LRFN5: variants seen among roughly 807,000 people sequenced by gnomAD.
LRFN5 encodes leucine rich repeat and fibronectin type III domain containing 5.
In LRFN5, 24 loss-of-function variants were observed where a neutral mutation model predicts 45.6. The ratio of observed to expected loss-of-function variants is 0.53; its 90% CI spans 0.38 to 0.74. LRFN5 has a LOEUF of 0.74. Among genes scored for constraint, LRFN5 ranks in the 30% least tolerant of loss-of-function variants. The pLI, the probability that LRFN5 is intolerant of heterozygous loss-of-function variation, is 0.00. For missense variants in LRFN5, 776 were observed against 861.5 expected (o/e 0.90, Z 1.24); for synonymous variants, 340 against 313.8 (o/e 1.08, Z -0.88).
intron 1 of LRFN5, among the ~76,000 whole-genome samples, chr14:41,751,912 C>G (rs779002098): frequency 1.6e-4 from 24 of 152,086 alleles, no homozygotes; most frequent in Non-Finnish European, 3.2e-4. Context: ...TATCCCTCCC[C>G]TCTCCCGCCA....
At chr14:41,727,617 C>T (rs1437680795) in intron 1 of LRFN5, among the ~76,000 whole-genome samples, 1 of 151,650 alleles carries the variant, frequency 6.6e-6, no homozygotes, top group Non-Finnish European at 1.5e-5. Flanking sequence ...AAGAGTGAGA[C>T]CCTGTCTCTA....
intron 4 of LRFN5, among the ~76,000 whole-genome samples, chr14:41,895,458 T>A (rs1279605997): frequency 6.6e-6 from 1 of 151,914 alleles, no homozygotes; most frequent in South Asian, 2.1e-4. Flanking sequence ...ACCCTGTCAC[T>A]AGTAAAAACA....
chr14:41,889,138 T>G (rs1238851809), intron 3 of LRFN5, among the ~76,000 whole-genome samples: 1 of 150,700 alleles, frequency 6.6e-6, no homozygotes, highest in Non-Finnish European at 1.5e-5. Context: ...ATATTCTGTT[T>G]AAGATATTCA....
intron 1 of LRFN5, among the ~76,000 whole-genome samples, chr14:41,737,104 A>G (rs143355984): frequency 7.1e-4 from 108 of 152,330 alleles, no homozygotes; most frequent in African/African-American, 2.0e-3. Flanking sequence ...AATCCTCAAT[A>G]AAATACTGGG....
intron 2 of LRFN5, among the ~76,000 whole-genome samples, chr14:41,789,452 A>G (rs1404618799): frequency 1.3e-5 from 2 of 152,030 alleles, no homozygotes; most frequent in Non-Finnish European, 2.9e-5. Context: ...GAATCCAACT[A>G]GAATTTGAAT....
At chr14:41,750,841 A>G (rs1885100924) in intron 1 of LRFN5, among the ~76,000 whole-genome samples, 1 of 151,770 alleles carries the variant, frequency 6.6e-6, no homozygotes, top group Admixed American at 6.6e-5. Flanking sequence ...TTATTATTAT[A>G]CCTTAAGTTC....
chr14:41,790,971 CAG>C (rs1337707173), intron 2 of LRFN5, among the ~76,000 whole-genome samples: 1 of 151,668 alleles, frequency 6.6e-6, no homozygotes, highest in Non-Finnish European at 1.5e-5. Context: ...CTATCAGTAA[CAG>C]AGAAATGTGT....
intron 2 of LRFN5, among the ~76,000 whole-genome samples, chr14:41,808,595 A>AACGAAGGAAGGAAGGG (rs1433197628): frequency 2.6e-4 from 36 of 137,298 alleles, no homozygotes; most frequent in Non-Finnish European, 3.7e-4. Flanking sequence ...GGAAGGAAGG[A>AACGAAGGAAGGAAGGG]ACGAAGGAAG....
intron 1 of LRFN5, among the ~76,000 whole-genome samples, chr14:41,673,852 A>AC (rs1281537116): frequency 3.7e-5 from 4 of 108,426 alleles, no homozygotes; most frequent in Non-Finnish European, 7.6e-5. Flanking sequence ...GGGGGGCTGA[A>AC]CCCCCTACCT....
intron 1 of LRFN5, among the ~76,000 whole-genome samples, chr14:41,628,934 T>G (rs1162449532): frequency 6.6e-6 from 1 of 152,194 alleles, no homozygotes; most frequent in East Asian, 1.9e-4. Flanking sequence ...TTGCTGTTTA[T>G]GTCGAATCTA....
At chr14:41,760,634 A>G (rs1362108257) in intron 1 of LRFN5, among the ~76,000 whole-genome samples, 1 of 152,132 alleles carries the variant, frequency 6.6e-6, no homozygotes, top group African/African-American at 2.4e-5. Flanking sequence ...TGGTTTCTTT[A>G]TGAAATGATT....
intron 2 of LRFN5, among the ~76,000 whole-genome samples, chr14:41,876,015 A>G (rs1394346280): frequency 2.6e-5 from 4 of 152,152 alleles, no homozygotes; most frequent in African/African-American, 9.7e-5. Context: ...TGAAAGATAC[A>G]TATGTATACA....
At chr14:41,749,788 A>G (rs1163381244) in intron 1 of LRFN5, among the ~76,000 whole-genome samples, 3 of 152,148 alleles carry the variant, frequency 2.0e-5, no homozygotes, top group African/African-American at 4.8e-5. Flanking sequence ...ACAATCCTTC[A>G]TATGTACCTC....
intron 1 of LRFN5, among the ~76,000 whole-genome samples, chr14:41,763,525 A>G (rs1025150219): frequency 6.6e-6 from 1 of 152,100 alleles, no homozygotes; most frequent in Non-Finnish European, 1.5e-5. Context: ...CCCAAATCTC[A>G]TCTTGAATTG....
At chr14:41,696,113 G>A (rs1199742930) in intron 1 of LRFN5, among the ~76,000 whole-genome samples, 1 of 151,932 alleles carries the variant, frequency 6.6e-6, no homozygotes, top group Non-Finnish European at 1.5e-5. Context: ...AGTGGAGGAA[G>A]TAACTGAAGA....
chr14:41,882,912 G>A (rs921866993), intron 2 of LRFN5, among the ~76,000 whole-genome samples: 3 of 144,158 alleles, frequency 2.1e-5, no homozygotes, highest in Admixed American at 7.2e-5. Context: ...GTAATGGCGC[G>A]ATCTCTGCTT....
intron 2 of LRFN5, among the ~76,000 whole-genome samples, chr14:41,795,718 T>G (rs1386744886): frequency 6.6e-6 from 1 of 151,544 alleles, no homozygotes; most frequent in Non-Finnish European, 1.5e-5. Flanking sequence ...TAGGTGGGAA[T>G]TGAACAATGA....
intron 2 of LRFN5, among the ~76,000 whole-genome samples, chr14:41,790,561 A>C (rs1886883080): frequency 7.7e-6 from 1 of 130,648 alleles, no homozygotes; most frequent in South Asian, 2.7e-4. Flanking sequence ...TTTAATATAC[A>C]TGTAAGGCTA....
chr14:41,891,737 A>T lies in LRFN5; in HGVS notation c.1873A>T (p.Thr625Ser), dbSNP rs1890791595. 1 of 1,614,032 alleles carries T rather than the reference A, an allele frequency of 6.2e-7. No individual in the cohort carries two copies. The highest frequency in any genetic ancestry group is 1.7e-5 in the Admixed American group (1 of 59,982). Residue 625 changes from threonine to serine, a missense_variant, in exon 4 of 6, where the codon ACT (threonine) becomes TCT (serine). Coordinates refer to ENST00000298119, the MANE Select transcript of LRFN5 (RefSeq NM_152447.5). ...TTGTTCGAGTCAGGACTCCTCTACC[A>T]CTACCTCTGCTTTGCCTCCTTCCTG... The part of the protein sequence containing the change: ...ETCSSQDSST[T>S]TSALPPSWTS...
Sources: gnomAD v4.1 joint callset for allele counts (sites outside exome capture counted in the v4.1 genomes callset) on GRCh38, gnomAD v4.1.1 for gene constraint, MANE v1.5 for transcripts, NCBI Gene and HGNC (gene_info 2026-07-23, HGNC 2026-07-21) for gene names.